OSTM1: variants seen among roughly 807,000 people sequenced by gnomAD.
OSTM1 encodes the protein osteoclastogenesis associated transmembrane protein 1, also known as osteopetrosis-associated transmembrane protein 1.
In OSTM1, 26 loss-of-function variants were observed where a neutral mutation model predicts 35.4. That is an observed-to-expected ratio of 0.73 (90% CI 0.54 to 1.02). OSTM1 has a LOEUF of 1.02. OSTM1 is among the 50% of genes least tolerant of loss of function. The pLI is 0.00. For missense variants in OSTM1, 366 were observed against 409.6 expected (o/e 0.89, Z 0.92); for synonymous variants, 181 against 165.0 (o/e 1.10, Z -0.75).
At position 108,043,316 on chromosome 6, in the gene OSTM1, C is replaced by T. The variant is rs886060965; in HGVS notation, c.*1469G>A. The T allele has an allele frequency of 1.3e-5, 2 of 151,846 alleles. No homozygotes were observed. The highest frequency in any genetic ancestry group is 2.9e-5 in the Non-Finnish European group (2 of 68,028). 9.4% of individuals were successfully genotyped at this position (151,846 alleles called of 1,614,324 possible). A position where few individuals can be genotyped will look rare whatever the true frequency, so the allele number is the denominator to read the frequency against. The stretch of plus-strand genomic sequence containing the variant: ...AAACCCCAGCACATTTTCAGTGGAT[C>T]ACAGCAGATCAGAGAAAGTGTAACA... On this transcript the variant is annotated 3_prime_UTR_variant, in exon 6 of 6. Transcript: ENST00000193322.
intron 4 of OSTM1, among the ~76,000 whole-genome samples, chr6:108,050,550 G>C (rs1772059026): frequency 6.6e-6 from 1 of 151,760 alleles, no homozygotes; most frequent in African/African-American, 2.4e-5. Context: ...TTTTAGTAGA[G>C]ACGGGGTTTC....
intron 5 of OSTM1, among the ~76,000 whole-genome samples, chr6:108,048,294 G>A (rs1461910843): frequency 3.3e-5 from 5 of 152,154 alleles, no homozygotes; most frequent in Non-Finnish European, 7.4e-5. Context: ...CCCCTAAACA[G>A]TTCTCTTTTT....
chr6:108,056,038 G>A (rs1210371515), intron 2 of OSTM1, among the ~76,000 whole-genome samples: 2 of 152,206 alleles, frequency 1.3e-5, no homozygotes, highest in Non-Finnish European at 2.9e-5. Flanking sequence ...AGAATTTGTG[G>A]AGAAAAGAGA....
chr6:108,053,728 G>A lies in OSTM1; in HGVS notation c.615+762C>T, dbSNP rs1271965710. Among the ~76,000 whole-genome samples, 40 of 152,070 alleles carry A rather than the reference G, an allele frequency of 2.6e-4. 1 individual carries two copies. Among genetic ancestry groups the A allele is most frequent in the Admixed American group, 2.6e-3 (40 of 15,258 alleles). On this transcript the variant is annotated intron_variant, in intron 3 of 5. Coordinates refer to ENST00000193322, the MANE Select transcript of OSTM1 (RefSeq NM_014028.4). Reference sequence around the variant, plus strand: ...TGACCTGCCTGCCTTGGCCTCCCAAGGTGCTGGGATTATAGGCATGAGATA... The same window carrying A: ...TGACCTGCCTGCCTTGGCCTCCCAAAGTGCTGGGATTATAGGCATGAGATA...
rs1405105108 is a variant in OSTM1, at chr6:108,042,613, A to G, written c.*2172T>C. 1 of 151,866 alleles carries G rather than the reference A, an allele frequency of 6.6e-6. No homozygotes were observed. Among genetic ancestry groups the G allele is most frequent in the Non-Finnish European group, 1.5e-5 (1 of 67,958 alleles). 9.4% of individuals were successfully genotyped at this position (151,866 alleles called of 1,614,324 possible). On this transcript the variant is annotated 3_prime_UTR_variant, in exon 6 of 6. Coordinates refer to ENST00000193322, the MANE Select transcript of OSTM1 (RefSeq NM_014028.4). ...GTATTTTTTGCAGAGACAGTGTTTC[A>G]CTATGTTGTCCAGGCTGGTCTCGAA...
At chr6:108,047,554 AT>A (rs1311674437) in intron 5 of OSTM1, among the ~76,000 whole-genome samples, 16 of 152,198 alleles carry the variant, frequency 1.1e-4, no homozygotes, top group African/African-American at 3.9e-4. Flanking sequence ...TGGCGTATGG[AT>A]TTTAGTAGAT....
Position 108,072,390 on chromosome 6 carries a change from T to G in OSTM1, c.402+1860A>C, listed in dbSNP as rs187077285. 2.2e-4 allele frequency among the ~76,000 whole-genome samples: 34 copies of G among 152,136 alleles called. No homozygotes were observed. In the East Asian group the frequency reaches 6.4e-3, roughly 29 times the overall value. On this transcript the variant is annotated intron_variant, in intron 1 of 5. Transcript: ENST00000193322. ...GGCTCACACCTGTAATCCCAAATCT[T>G]TGGGAGGCTGAGGTGGGTGGATTAC...
At chr6:108,059,873 A>C (rs1006532557) in intron 2 of OSTM1, among the ~76,000 whole-genome samples, 1 of 152,196 alleles carries the variant, frequency 6.6e-6, no homozygotes, top group Non-Finnish European at 1.5e-5. Flanking sequence ...TTTAATGCGT[A>C]ATTCTGGAAA....
In OSTM1 at chr6:108,041,621, T is replaced by G. The variant is rs907151033; in HGVS notation, c.*3164A>C. 2.0e-5 allele frequency: 3 copies of G among 152,200 alleles called. No individual in the cohort carries two copies. The highest frequency in any genetic ancestry group is 4.4e-5 in the Non-Finnish European group (3 of 68,036). The allele number at this position is 152,200 out of a possible 1,614,324, so 9.4% of individuals were successfully genotyped here. A position where few individuals can be genotyped will look rare whatever the true frequency, so the allele number is the denominator to read the frequency against. ...CCAATACTATCATTTTATGAAATCTTTACAAGATAAGCACAGTAGTACAAT... is the reference window on the plus strand; with the variant it reads ...CCAATACTATCATTTTATGAAATCTGTACAAGATAAGCACAGTAGTACAAT... On this transcript the variant is annotated 3_prime_UTR_variant, in exon 6 of 6. Coordinates refer to ENST00000193322, the MANE Select transcript of OSTM1 (RefSeq NM_014028.4).
intron 3 of OSTM1, among the ~76,000 whole-genome samples, chr6:108,052,363 G>A (rs373452833): frequency 6.6e-6 from 1 of 151,764 alleles, no homozygotes; most frequent in East Asian, 1.9e-4. Flanking sequence ...AACCCGGGAG[G>A]CGGAGCTTGC....
rs886060971 is a variant in OSTM1 at position 108,044,608 on chromosome 6, T to C, written c.*177A>G. Reference sequence around the variant, plus strand: ...TGGAAATTAAAAATATCCAAATCTGTTAGAAAGAAGTGGAAAAGGAAAGAA... The same window carrying C: ...TGGAAATTAAAAATATCCAAATCTGCTAGAAAGAAGTGGAAAAGGAAAGAA... On this transcript the variant is annotated 3_prime_UTR_variant, in exon 6 of 6. Transcript: ENST00000193322. 22 of 492,774 alleles carry C rather than the reference T, an allele frequency of 4.5e-5. No homozygotes were observed. Among genetic ancestry groups the C allele is most frequent in the South Asian group, 1.7e-4 (5 of 28,978 alleles). 30.5% of individuals were successfully genotyped at this position (492,774 alleles called of 1,614,324 possible). A position where few individuals can be genotyped will look rare whatever the true frequency, so the allele number is the denominator to read the frequency against.
chr6:108,042,714 T>C lies in OSTM1; in HGVS notation c.*2071A>G, dbSNP rs1466524398. On this transcript the variant is annotated 3_prime_UTR_variant, in exon 6 of 6. Coordinates refer to ENST00000193322, the MANE Select transcript of OSTM1 (RefSeq NM_014028.4). ...GGTATGAGACACTGTGTCCAGCTGA[T>C]GGTACTCATAAAAGTAGGCATCTAA... The C allele has an allele frequency of 6.6e-6, 1 of 152,132 alleles. No individual in the cohort carries two copies. The highest frequency in any genetic ancestry group is 1.5e-5 in the Non-Finnish European group (1 of 68,012). 9.4% of individuals were successfully genotyped at this position (152,132 alleles called of 1,614,324 possible).
rs541313612 is a variant in OSTM1, at chr6:108,042,418, T to C, written c.*2367A>G. 1.4e-4 allele frequency: 20 copies of C among 143,948 alleles called. No individual in the cohort carries two copies. The highest frequency in any genetic ancestry group is 3.9e-4 in the East Asian group (2 of 5,086). The allele number at this position is 143,948 out of a possible 1,614,324, so 8.9% of individuals were successfully genotyped here. On this transcript the variant is annotated 3_prime_UTR_variant, in exon 6 of 6. Coordinates refer to ENST00000193322, the MANE Select transcript of OSTM1 (RefSeq NM_014028.4). ...ACAGACAGTACTTTCTTTTTTCTTT[T>C]TTTTTTTTTTTTTTTGAGACAAGGT...
At chr6:108,061,932 C>T (rs974459531) in intron 2 of OSTM1, among the ~76,000 whole-genome samples, 2 of 152,078 alleles carry the variant, frequency 1.3e-5, no homozygotes, top group Non-Finnish European at 2.9e-5. Context: ...CAGTAGTCAA[C>T]TCTTATCTTC....
Position 108,044,734 on chromosome 6 carries a change from T to C in OSTM1, c.*51A>G. 1 of 998,846 alleles carries C rather than the reference T, an allele frequency of 1.0e-6. No individual in the cohort carries two copies. The highest frequency in any genetic ancestry group is 1.6e-6 in the Non-Finnish European group (1 of 633,630). 61.9% of individuals were successfully genotyped at this position (998,846 alleles called of 1,614,324 possible). A position where few individuals can be genotyped will look rare whatever the true frequency, so the allele number is the denominator to read the frequency against. ...TTATCTTCTTTCTGAAACCAAGTTG[T>C]GTCTTCCACCATTCATTCACGTGAT... is the stretch of plus-strand genomic sequence containing the variant. On this transcript the variant is annotated 3_prime_UTR_variant, in exon 6 of 6. Transcript: ENST00000193322.
At chr6:108,063,968 C>T (rs1772334688) in intron 2 of OSTM1, among the ~76,000 whole-genome samples, 1 of 152,204 alleles carries the variant, frequency 6.6e-6, no homozygotes, top group Non-Finnish European at 1.5e-5. Context: ...AAACCCAAGT[C>T]TATCTAAATC....
At chr6:108,067,522 G>T (rs1582397990) in intron 1 of OSTM1, among the ~76,000 whole-genome samples, 1 of 80,734 alleles carries the variant, frequency 1.2e-5, no homozygotes, top group African/African-American at 4.1e-5. Flanking sequence ...TGGAGGGACA[G>T]GGGAATGGAA....
chr6:108,065,347 C>T (rs1772359098), intron 1 of OSTM1, among the ~76,000 whole-genome samples: 1 of 151,546 alleles, frequency 6.6e-6, no homozygotes, highest in African/African-American at 2.4e-5. Context: ...TCAAGCGATC[C>T]TCCTGCCTTA....
intron 5 of OSTM1, among the ~76,000 whole-genome samples, chr6:108,046,010 A>AT (rs950015478): frequency 5.3e-5 from 8 of 150,924 alleles, no homozygotes; most frequent in South Asian, 2.1e-4. Flanking sequence ...TATTTTATTT[A>AT]TTTTTTTTGA....
Sources: gnomAD v4.1 joint callset for allele counts (sites outside exome capture counted in the v4.1 genomes callset) on GRCh38, gnomAD v4.1.1 for gene constraint, MANE v1.5 for transcripts, NCBI Gene and HGNC (gene_info 2026-07-23, HGNC 2026-07-21) for gene names.